The following POLR1C variants were observed in gnomAD, a reference collection of about 807,000 sequenced individuals.
The protein encoded by POLR1C is DNA-directed RNA polymerases I and III subunit RPAC1.
A neutral mutation model predicts 38.3 loss-of-function variants in POLR1C; 42 were observed. That is an observed-to-expected ratio of 1.10 (90% CI 0.86 to 1.42). POLR1C has a LOEUF of 1.42. Ranked by LOEUF, POLR1C falls within the 40% of genes most tolerant of loss-of-function variation. The pLI is 0.00. For missense variants in POLR1C, 507 were observed against 450.5 expected (o/e 1.13, Z -1.14); for synonymous variants, 163 against 163.9 (o/e 0.99, Z 0.04).
chr6:43,553,649 C>A, intron 10 of POLR1C: 1 of 1,400,010 alleles, frequency 7.1e-7, no homozygotes, highest in Non-Finnish European at 9.3e-7. Context: ...AATCTAACCC[C>A]TCTCAGCTGG....
intron 9 of POLR1C, chr6:43,547,791 T>A (rs1051409126): frequency 3.3e-6 from 4 of 1,225,434 alleles, no homozygotes; most frequent in Non-Finnish European, 4.7e-6. Flanking sequence ...AGGCTATCAT[T>A]ATTTGGCCCT....
chr6:43,526,434 T>C (rs538275143), downstream of POLR1C: 27 of 526,686 alleles, frequency 5.1e-5, no homozygotes, highest in Non-Finnish European at 8.2e-5. Flanking sequence ...AGAGGTGACA[T>C]TGGAATAAAG....
intron 8 of POLR1C, chr6:43,526,801 C>G (rs374203018): frequency 1.9e-6 from 3 of 1,570,716 alleles, no homozygotes; most frequent in East Asian, 2.3e-5. Flanking sequence ...ACTACCACAA[C>G]AGCCACCTCA....
intron 9 of POLR1C, among the ~76,000 whole-genome samples, chr6:43,543,961 G>A (rs1309244783): frequency 6.6e-6 from 1 of 152,154 alleles, no homozygotes; most frequent in African/African-American, 2.4e-5. Flanking sequence ...ATAGGCATGA[G>A]CTACCGCGCC....
chr6:43,540,686 C>T (rs1794647609), intron 9 of POLR1C, among the ~76,000 whole-genome samples: 1 of 152,088 alleles, frequency 6.6e-6, no homozygotes, highest in South Asian at 2.1e-4. Context: ...GATATGGGGT[C>T]TTGCTACGTT....
chr6:43,557,866 C>T (rs1283606848), intron 10 of POLR1C, among the ~76,000 whole-genome samples: 2 of 147,936 alleles, frequency 1.4e-5, no homozygotes, highest in Non-Finnish European at 3.0e-5. Context: ...GAGACTGAGG[C>T]GGGCAGATGA....
chr6:43,552,564 G>A (rs925414436), intron 10 of POLR1C, among the ~76,000 whole-genome samples: 4 of 152,102 alleles, frequency 2.6e-5, no homozygotes, highest in African/African-American at 9.7e-5. Context: ...TGTTGGCCAG[G>A]GTGGTCTGGA....
chr6:43,557,974 A>G (rs1383013611), intron 10 of POLR1C, among the ~76,000 whole-genome samples: 1 of 151,964 alleles, frequency 6.6e-6, no homozygotes, highest in East Asian at 1.9e-4. Context: ...GCATGCCTGT[A>G]ATCCCAGCTA....
intron 10 of POLR1C, chr6:43,560,912 T>C: frequency 6.2e-7 from 1 of 1,610,756 alleles, no homozygotes; most frequent in Non-Finnish European, 8.5e-7. Flanking sequence ...AAGTTACCTG[T>C]ATAAAGTTTA....
intron 6 of POLR1C, 82 bp from the exon 7 acceptor site, chr6:43,520,542 CT>C: frequency 6.2e-7 from 1 of 1,603,052 alleles, no homozygotes; most frequent in Non-Finnish European, 8.5e-7. Flanking sequence ...GAGGGTTGTG[CT>C]TTTGCTGTTA....
At chr6:43,518,953 T>A (rs1402827797) in intron 2 of POLR1C, among the ~76,000 whole-genome samples, 1 of 152,180 alleles carries the variant, frequency 6.6e-6, no homozygotes, top group Non-Finnish European at 1.5e-5. Flanking sequence ...GTGCTGGGAT[T>A]ACAGGTGTGA....
downstream of POLR1C, chr6:43,533,972 G>T: frequency 6.2e-7 from 1 of 1,606,100 alleles, no homozygotes; most frequent in East Asian, 2.2e-5. Flanking sequence ...TGCCATTTTG[G>T]CTAGCATTTC....
In POLR1C at chr6:43,527,856, G is replaced by C. The variant is rs1049362441; in HGVS notation, c.923-1393G>C. 36 of 972,822 alleles carry C rather than the reference G, an allele frequency of 3.7e-5. No individual in the cohort carries two copies. In the East Asian group the frequency reaches 9.3e-4, roughly 25 times the overall value. The allele number at this position is 972,822 out of a possible 1,614,324, so 60.3% of individuals were successfully genotyped here. ...CTTTGGGTCTTCGTTTTATGCAAAA[G>C]TTGGGAATGGACAGCAGTGATCCAC... On this transcript the variant is annotated intron_variant, in intron 8 of 8. Transcript: ENST00000304004.
At chr6:43,532,371 C>T (rs181882104), downstream of POLR1C, among the ~76,000 whole-genome samples, 7 of 152,322 alleles carry the variant, frequency 4.6e-5, no homozygotes, top group Non-Finnish European at 1.5e-5. Context: ...TGCTTGACCA[C>T]AGCCGGGCTC....
At chr6:43,531,899 C>T (rs1794008222), downstream of POLR1C, among the ~76,000 whole-genome samples, 1 of 152,096 alleles carries the variant, frequency 6.6e-6, no homozygotes, top group Non-Finnish European at 1.5e-5. Flanking sequence ...AGTTATGAAA[C>T]CCCTTTTTTA....
At chr6:43,525,143 C>T, downstream of POLR1C, 2 of 1,582,202 alleles carry the variant, frequency 1.3e-6, no homozygotes, top group Non-Finnish European at 1.7e-6. Context: ...GTGAGGTTGT[C>T]CTCTGGCAGG....
chr6:43,525,491 C>T (rs903786579), downstream of POLR1C: 2 of 502,422 alleles, frequency 4.0e-6, no homozygotes, highest in African/African-American at 1.9e-5. Flanking sequence ...AGTTTACTTC[C>T]TCTATTTTTG....
chr6:43,519,235 G>A (rs1209134576), intron 2 of POLR1C, 98 bp from the exon 3 acceptor site: 1 of 773,122 alleles, frequency 1.3e-6, no homozygotes. Context: ...GTTTTTGGAT[G>A]AGAGGATAAT....
intron 10 of POLR1C, among the ~76,000 whole-genome samples, chr6:43,557,964 G>A (rs1028906835): frequency 5.3e-5 from 8 of 151,738 alleles, no homozygotes; most frequent in Admixed American, 2.6e-4. Flanking sequence ...GCATGGTGGT[G>A]CATGCCTGTA....
Sources: allele counts gnomAD v4.1 joint callset (sites outside exome capture counted in the v4.1 genomes callset), GRCh38; gene constraint gnomAD v4.1.1; transcripts MANE v1.5; gene names NCBI Gene and HGNC (gene_info 2026-07-23, HGNC 2026-07-21).